The following ALDH3B2 variants were observed in gnomAD, a reference collection of about 807,000 sequenced individuals.
The protein encoded by ALDH3B2 is aldehyde dehydrogenase 3 family member B2, also known as aldehyde dehydrogenase family 3 member B2.
In ALDH3B2, 45 loss-of-function variants were observed where a neutral mutation model predicts 36.7. The ratio of observed to expected loss-of-function variants is 1.23; its 90% CI spans 0.97 to 1.57. The LOEUF is 1.57. ALDH3B2 is among the 40% of genes most tolerant of loss of function. The pLI is 0.00. For missense variants in ALDH3B2, 464 were observed against 513.3 expected (o/e 0.90, Z 0.93); for synonymous variants, 217 against 226.5 (o/e 0.96, Z 0.38).
intron 1 of ALDH3B2, among the ~76,000 whole-genome samples, chr11:67,672,163 T>TTG (rs1367351014): frequency 7.0e-6 from 1 of 142,856 alleles, no homozygotes; most frequent in African/African-American, 2.6e-5. Flanking sequence ...TTTTTTTTTT[T>TTG]TGAGACAGAC....
At chr11:67,663,713 T>C (rs769140741) in exon 9 of ALDH3B2, 2 of 1,613,176 alleles carry the variant, frequency 1.2e-6, no homozygotes, top group Non-Finnish European at 1.7e-6. Context: ...AAGCCCTCAT[T>C]GCCTCCAAAG....
At chr11:67,670,806 G>C (rs1166148670) in intron 1 of ALDH3B2, among the ~76,000 whole-genome samples, 4 of 152,158 alleles carry the variant, frequency 2.6e-5, no homozygotes, top group Admixed American at 2.6e-4. Flanking sequence ...TCAGTGTGCG[G>C]CCCCCCTGCA....
At chr11:67,664,159 T>A in intron 8 of ALDH3B2, 1 of 636,126 alleles carries the variant, frequency 1.6e-6, no homozygotes, top group East Asian at 2.8e-5. Context: ...ACAGTCCAAG[T>A]GCAGGCTGCT....
chr11:67,664,297 G>A (rs778173209), intron 8 of ALDH3B2, 99 bp downstream of exon 8: 249 of 1,563,440 alleles, frequency 1.6e-4, no homozygotes, highest in Non-Finnish European at 2.1e-4. Context: ...TGAGGCATCT[G>A]CTGCTCTAAA....
At position 67,666,231 on chromosome 11, in the gene ALDH3B2, C is replaced by T. The variant is rs200854518; in HGVS notation, c.238-28G>A. The T allele has an allele frequency of 1.2e-4, 184 of 1,499,358 alleles. No individual in the cohort carries two copies. The Admixed American group carries it at 1.9e-3, about 16-fold the overall frequency. The allele number at this position is 1,499,358 out of a possible 1,614,324, so 92.9% of individuals were successfully genotyped here. A position where few individuals can be genotyped will look rare whatever the true frequency, so the allele number is the denominator to read the frequency against. Reference sequence around the variant, plus strand: ...GCAAGGTGGAATGAGAGGCTCGGGGCGGGCTCGGGGCCAGCCGGGCCTCCT... The same window carrying T: ...GCAAGGTGGAATGAGAGGCTCGGGGTGGGCTCGGGGCCAGCCGGGCCTCCT... On this transcript the variant is annotated intron_variant, in intron 5 of 9. Coordinates refer to ENST00000349015, the Ensembl canonical transcript of ALDH3B2.
At chr11:67,677,915 T>C (rs1346065831), upstream of ALDH3B2, among the ~76,000 whole-genome samples, 2 of 150,640 alleles carry the variant, frequency 1.3e-5, no homozygotes, top group African/African-American at 4.9e-5. Flanking sequence ...AAAAAAGAAG[T>C]CGAAAGACCT....
At chr11:67,672,042 CATATATATAT>C (rs57997475) in intron 1 of ALDH3B2, among the ~76,000 whole-genome samples, 5,304 of 49,416 alleles carry the variant, frequency 0.11, 322 homozygotes, top group Middle Eastern at 0.22. Flanking sequence ...CGATGTACTT[CATATATATAT>C]ATATATATAT....
intron 1 of ALDH3B2, among the ~76,000 whole-genome samples, chr11:67,672,670 A>T (rs1591148382): frequency 6.6e-6 from 1 of 151,096 alleles, no homozygotes; most frequent in South Asian, 2.1e-4. Flanking sequence ...GCTCACTGCA[A>T]CCTCTGCCTC....
At chr11:67,663,455 A>G in intron 9 of ALDH3B2, 56 bp from the exon 10 acceptor site, 1 of 1,566,410 alleles carries the variant, frequency 6.4e-7, no homozygotes. Flanking sequence ...GAGCCCCAGC[A>G]GCAGCCCACT....
At chr11:67,663,749 T>A in exon 9 of ALDH3B2, 1 of 1,611,668 alleles carries the variant, frequency 6.2e-7, no homozygotes, top group Non-Finnish European at 8.5e-7. Flanking sequence ...CGCTCCAGCA[T>A]CTGGTTCACA....
At chr11:67,674,511 C>T (rs1390064344) in exon 1 of ALDH3B2, 2 of 158,376 alleles carry the variant, frequency 1.3e-5, no homozygotes, top group Admixed American at 6.4e-5. Flanking sequence ...TCCAGATGCG[C>T]AGGCTCTGCT....
At chr11:67,679,131 A>ACT (rs1466583181), upstream of ALDH3B2, among the ~76,000 whole-genome samples, 2 of 152,074 alleles carry the variant, frequency 1.3e-5, no homozygotes, top group Non-Finnish European at 2.9e-5. Flanking sequence ...TAAAGAATTT[A>ACT]CTCATGTAAC....
At chr11:67,667,450 G>C (rs2126716) in intron 2 of ALDH3B2, 23 bp downstream of exon 2, 320,738 of 363,926 alleles carry the variant, frequency 0.88, 142,496 homozygotes, top group South Asian at 0.95. Flanking sequence ...AGCCCCTGCC[G>C]GGGCCCACTC....
Position 67,666,620 on chromosome 11 carries a change from G to T in ALDH3B2, c.105C>A (p.Tyr35Ter). The T allele has an allele frequency of 6.2e-7, 1 of 1,614,160 alleles. No homozygotes were observed. Among genetic ancestry groups the T allele is most frequent in the Non-Finnish European group, 8.5e-7 (1 of 1,179,996 alleles). Residue 35 changes from tyrosine (Y) to a stop codon, truncating the protein, a stop_gained, in exon 4 of 10, where the codon TAC (tyrosine) becomes TAA (stop). Transcript: ENST00000349015. LOFTEE classifies it high-confidence loss of function. ...GGAGCACCAGGGTCAGGTTCAGTGGGTAGTTCCAGGGTGCGATGATGAGGA... is the reference window on the plus strand; with the variant it reads ...GGAGCACCAGGGTCAGGTTCAGTGGTTAGTTCCAGGGTGCGATGATGAGGA...
upstream of ALDH3B2, among the ~76,000 whole-genome samples, chr11:67,676,896 A>G (rs767598510): frequency 6.6e-6 from 1 of 152,184 alleles, no homozygotes; most frequent in Non-Finnish European, 1.5e-5. Context: ...CCCTAGTTTA[A>G]ATCAGGAAGA....
intron 9 of ALDH3B2, 69 bp downstream of exon 9, chr11:67,663,593 G>A (rs1470238201): frequency 4.7e-6 from 7 of 1,480,716 alleles, no homozygotes; most frequent in Non-Finnish European, 5.6e-6. Context: ...AACAGTGAGT[G>A]AAGGGACTTC....
At chr11:67,666,477 A>T in intron 4 of ALDH3B2, 76 bp from the exon 5 acceptor site, 1 of 1,601,562 alleles carries the variant, frequency 6.2e-7, no homozygotes, top group Non-Finnish European at 8.5e-7. Context: ...CTCAGAGGGC[A>T]TGTGAGGCCC....
At chr11:67,667,280 A>G (rs1242962450) in intron 2 of ALDH3B2, among the ~76,000 whole-genome samples, 193 bp downstream of exon 2, 1 of 54,006 alleles carries the variant, frequency 1.9e-5, no homozygotes, top group Non-Finnish European at 5.3e-5. Context: ...TGGAGCCTGC[A>G]TCACAGGGTG....
chr11:67,664,420 C>T, exon 8 of ALDH3B2: 1 of 1,614,174 alleles, frequency 6.2e-7, no homozygotes, highest in East Asian at 2.2e-5. Context: ...AGAAGGCGTA[C>T]AGGGCCAGGG....
Sources: gnomAD v4.1 joint callset for allele counts (sites outside exome capture counted in the v4.1 genomes callset) on GRCh38, gnomAD v4.1.1 for gene constraint, MANE v1.5 for transcripts, NCBI Gene and HGNC (gene_info 2026-07-23, HGNC 2026-07-21) for gene names.